ZNF608: variants seen among roughly 807,000 people sequenced by gnomAD.
The protein encoded by ZNF608 is zinc finger protein 608, also known as renal carcinoma antigen NY-REN-36.
Under a neutral mutation model 109.0 loss-of-function variants are expected in ZNF608, and 12 were observed. The observed-to-expected ratio is 0.11, with a 90% confidence interval of 0.07 to 0.18. The LOEUF (loss-of-function observed/expected upper bound fraction) is 0.18, where lower values mean the gene tolerates loss of function less well. ZNF608 is among the 10% of genes least tolerant of loss of function. The pLI is 1.00. For missense variants in ZNF608, 1,707 were observed against 1,879.3 expected (o/e 0.91, Z 1.70); for synonymous variants, 732 against 717.4 (o/e 1.02, Z -0.33).
chr5:124,648,119 T>C lies in ZNF608; in HGVS notation c.2265A>G (p.Ala755=), dbSNP rs1458101650. 5.6e-6 allele frequency: 9 copies of C among 1,612,214 alleles called. No individual in the cohort carries two copies. Among genetic ancestry groups the C allele is most frequent in the South Asian group, 1.1e-5 (1 of 90,970 alleles). The change falls in exon 5 of 10, where the codon GCA becomes GCG. Residue 755 remains alanine (A), a synonymous_variant. Transcript: ENST00000513986. ...TCCCAGTGGTGGTCGTTGTAAAGGT[T>C]GCAGTGGGTATAGCGATTAGCTGCG... ...TPPQLIAIPT[A]TFTTTTTGTI...
Position 124,666,609 on chromosome 5 carries a change from T to C in ZNF608, c.1163-16912A>G, listed in dbSNP as rs183555862. ...CTTCAATTTTCTTGCCTTCATAATA[T>C]AGCAAAGGCACATTCCGCTCCCCCA... On this transcript the variant is annotated intron_variant, in intron 3 of 9. Coordinates refer to ENST00000513986, the MANE Select transcript of ZNF608 (RefSeq NM_020747.3). 3.8e-3 allele frequency among the ~76,000 whole-genome samples: 580 copies of C among 152,208 alleles called. 2 individuals carry two copies. The highest frequency in any genetic ancestry group is 7.1e-3 in the Admixed American group (108 of 15,286).
chr5:124,641,155 A>T, intron 8 of ZNF608, 97 bp downstream of exon 8: 2 of 1,509,630 alleles, frequency 1.3e-6, no homozygotes, highest in South Asian at 1.1e-5. Flanking sequence ...GCTAATGTGA[A>T]CTCAAAGCTC....
rs772067436 is a variant in ZNF608, at chr5:124,648,946, T to G, written c.1438A>C (p.Arg480=). 1 of 1,614,050 alleles carries G rather than the reference T, an allele frequency of 6.2e-7. No individual in the cohort carries two copies. Among genetic ancestry groups the G allele is most frequent in the South Asian group, 1.1e-5 (1 of 91,060 alleles). ...TCAGCAGCACAATTTGGGGGTGTCC[T>G]TCGTCCGCTGGCATTGAGGCTGCCC... ...RRGSLNASGR[R]TPPNCAAEDI... The change falls in exon 5 of 10, where the codon AGG becomes CGG. Residue 480 remains arginine (R), a synonymous_variant. Coordinates refer to ENST00000513986, the MANE Select transcript of ZNF608 (RefSeq NM_020747.3).
At chr5:124,681,626 T>A (rs536667961) in intron 3 of ZNF608, among the ~76,000 whole-genome samples, 2 of 152,220 alleles carry the variant, frequency 1.3e-5, no homozygotes, top group South Asian at 4.1e-4. Context: ...ACATGACTGT[T>A]AAGTCCCACC....
At chr5:124,688,953 A>G (rs1038294445) in intron 3 of ZNF608, among the ~76,000 whole-genome samples, 26 of 152,264 alleles carry the variant, frequency 1.7e-4, no homozygotes, top group African/African-American at 6.3e-4. Flanking sequence ...TGCAGGATAT[A>G]AGGTTAATAT....
Position 124,744,050 on chromosome 5 carries a change from G to C in ZNF608, c.906+34C>G. On this transcript the variant is annotated intron_variant, in intron 2 of 9. Transcript: ENST00000513986. The surrounding 1 kb of genome is among the most constrained non-coding windows in gnomAD (Gnocchi z 4.5). ...CACCCACACAAATGCACACAGAGGA[G>C]AGTAGGACATCTAGGAAGGCGACTT... 1 of 1,554,046 alleles carries C rather than the reference G, an allele frequency of 6.4e-7. No homozygotes were observed. The highest frequency in any genetic ancestry group is 8.7e-7 in the Non-Finnish European group (1 of 1,150,054).
intron 2 of ZNF608, among the ~76,000 whole-genome samples, chr5:124,701,471 A>G (rs1753050293): frequency 6.6e-6 from 1 of 152,248 alleles, no homozygotes; most frequent in African/African-American, 2.4e-5. Flanking sequence ...TAAGCTAAAC[A>G]TGAGAGCGCT....
chr5:124,676,304 C>T (rs1295940938), intron 3 of ZNF608, among the ~76,000 whole-genome samples: 1 of 152,168 alleles, frequency 6.6e-6, no homozygotes, highest in East Asian at 1.9e-4. Flanking sequence ...ATGAAGTAGG[C>T]ACTTCTTGGA....
chr5:124,716,695 T>C (rs1753717417), intron 2 of ZNF608, among the ~76,000 whole-genome samples: 1 of 152,238 alleles, frequency 6.6e-6, no homozygotes, highest in Admixed American at 6.5e-5. Flanking sequence ...CATTCTTGCA[T>C]TCTAGAGCTC....
At chr5:124,678,625 T>C (rs951796512) in intron 3 of ZNF608, among the ~76,000 whole-genome samples, 1 of 152,158 alleles carries the variant, frequency 6.6e-6, no homozygotes, top group African/African-American at 2.4e-5. Context: ...AAGGTTTGAG[T>C]CTGGCTAGCA....
chr5:124,682,866 T>C (rs902210438), intron 3 of ZNF608, among the ~76,000 whole-genome samples: 1 of 152,258 alleles, frequency 6.6e-6, no homozygotes, highest in Non-Finnish European at 1.5e-5. Context: ...TGATGGCCCC[T>C]AATGACCACT....
At chr5:124,662,173 C>G (rs1321151824) in intron 3 of ZNF608, among the ~76,000 whole-genome samples, 1 of 152,160 alleles carries the variant, frequency 6.6e-6, no homozygotes, top group African/African-American at 2.4e-5. Flanking sequence ...CTTAAATTGT[C>G]TTCTTCAATT....
intron 3 of ZNF608, among the ~76,000 whole-genome samples, chr5:124,670,842 C>T (rs779782757): frequency 1.4e-4 from 21 of 152,246 alleles, no homozygotes; most frequent in African/African-American, 4.3e-4. Flanking sequence ...CCTTATAAGT[C>T]GTTTTCAAAA....
At chr5:124,666,595 T>C (rs1457406088) in intron 3 of ZNF608, among the ~76,000 whole-genome samples, 1 of 152,194 alleles carries the variant, frequency 6.6e-6, no homozygotes, top group East Asian at 1.9e-4. Flanking sequence ...TTCAATTTTC[T>C]TGCCTTCATA....
At chr5:124,694,001 A>T (rs1580637994) in intron 3 of ZNF608, among the ~76,000 whole-genome samples, 2 of 3,866 alleles carry the variant, frequency 5.2e-4, no homozygotes, top group Non-Finnish European at 9.7e-4. Flanking sequence ...TTTGAGAGAG[A>T]GTCTCGCTCT....
At chr5:124,665,454 C>T (rs551206522) in intron 3 of ZNF608, among the ~76,000 whole-genome samples, 1 of 152,112 alleles carries the variant, frequency 6.6e-6, no homozygotes, top group African/African-American at 2.4e-5. Flanking sequence ...GTTCCCCAGT[C>T]AAATATAAAA....
chr5:124,648,717 G>C lies in ZNF608; in HGVS notation c.1667C>G (p.Pro556Arg). The C allele has an allele frequency of 6.2e-7, 1 of 1,614,182 alleles. No homozygotes were observed. The highest frequency in any genetic ancestry group is 8.5e-7 in the Non-Finnish European group (1 of 1,180,038). The part of the protein sequence containing the change: ...GCSSPVLIDC[P>R]HPNCNKKYKH... The stretch of plus-strand genomic sequence containing the variant: ...GTACTTTTTGTTGCAGTTTGGGTGG[G>C]GACAGTCGATTAACACTGGAGAAGA... Residue 556 changes from proline (P) to arginine (R), a missense_variant, in exon 5 of 10, where the codon CCC (proline) becomes CGC (arginine). Pro to Arg is a moderately radical substitution (Grantham distance 103). Around this residue, in one of 7 missense-constraint regions of ZNF608, gnomAD observed 22 missense variants for 52.2 expected, o/e 0.42. Coordinates refer to ENST00000513986, the MANE Select transcript of ZNF608 (RefSeq NM_020747.3).
At chr5:124,723,093 C>T (rs1255637040) in intron 2 of ZNF608, among the ~76,000 whole-genome samples, 6 of 150,802 alleles carry the variant, frequency 4.0e-5, no homozygotes, top group African/African-American at 1.5e-4. Flanking sequence ...TGCAGTGGCA[C>T]GATCTTGGCT....
intron 3 of ZNF608, among the ~76,000 whole-genome samples, chr5:124,661,685 T>C (rs1751269724): frequency 6.6e-6 from 1 of 152,202 alleles, no homozygotes; most frequent in Non-Finnish European, 1.5e-5. Flanking sequence ...TGGTTATTGA[T>C]TGACCAGCCT....
Sources: allele counts gnomAD v4.1 joint callset (sites outside exome capture counted in the v4.1 genomes callset), GRCh38; gene constraint gnomAD v4.1.1; regional missense constraint gnomAD v4.1.1; non-coding constraint Gnocchi (gnomAD v3.1); transcripts MANE v1.5; gene names NCBI Gene and HGNC (gene_info 2026-07-23, HGNC 2026-07-21).